PCDHA10: variants seen among roughly 807,000 people sequenced by gnomAD.
The protein encoded by PCDHA10 is protocadherin alpha-10.
A neutral mutation model predicts 61.2 loss-of-function variants in PCDHA10; 45 were observed. The observed-to-expected ratio is 0.74, with a 90% confidence interval of 0.58 to 0.94. The LOEUF (loss-of-function observed/expected upper bound fraction) is 0.94, where lower values mean the gene tolerates loss of function less well. Among genes scored for constraint, PCDHA10 ranks in the 40% least tolerant of loss-of-function variants. The pLI, the probability that PCDHA10 is intolerant of heterozygous loss-of-function variation, is 0.00. For missense variants in PCDHA10, 1,278 were observed against 1,236.2 expected (o/e 1.03, Z -0.51); for synonymous variants, 602 against 548.8 (o/e 1.10, Z -1.35).
chr5:140,921,212 C>T lies in PCDHA10; in HGVS notation c.2389-57737C>T, dbSNP rs78827164. On this transcript the variant is annotated intron_variant, in intron 1 of 3. Coordinates refer to ENST00000307360, the MANE Select transcript of PCDHA10 (RefSeq NM_018901.4). ...ACAATAGATTGACAACGATAATTCA[C>T]GTCTTTTTTGCTAGATGATATTAAG... is the stretch of plus-strand genomic sequence containing the variant. Among the ~76,000 whole-genome samples the T allele has an allele frequency of 3.7e-3, 555 of 152,020 alleles. 3 individuals carry two copies. Among genetic ancestry groups the T allele is most frequent in the Non-Finnish European group, 5.8e-3 (395 of 67,980 alleles).
intron 1 of PCDHA10, chr5:140,876,827 C>T (rs1554168978): frequency 6.2e-7 from 1 of 1,614,182 alleles, no homozygotes; most frequent in Admixed American, 1.7e-5. Context: ...AACGACAATG[C>T]GCCTGCGTTC....
chr5:140,967,386 T>TA, intron 1 of PCDHA10: 1 of 1,609,114 alleles, frequency 6.2e-7, no homozygotes, highest in Non-Finnish European at 8.5e-7. Context: ...AGTAAAGTGC[T>TA]TGAGCTGGTG....
intron 1 of PCDHA10, chr5:140,883,399 T>C (rs143292342): frequency 3.1e-5 from 50 of 1,614,100 alleles, no homozygotes; most frequent in Non-Finnish European, 4.1e-5. Flanking sequence ...TGTCCGATCG[T>C]GACTCTGGCT....
chr5:140,945,000 G>A (rs980802301), intron 1 of PCDHA10, among the ~76,000 whole-genome samples: 3 of 151,862 alleles, frequency 2.0e-5, no homozygotes, highest in African/African-American at 7.3e-5. Context: ...AACGGTTGTG[G>A]GTCATGAATT....
intron 1 of PCDHA10, chr5:140,875,418 G>A: frequency 6.6e-7 from 1 of 1,515,104 alleles, no homozygotes; most frequent in Non-Finnish European, 8.8e-7. Flanking sequence ...AAATACCTCA[G>A]GCAAGCGATC....
chr5:140,905,540 C>T (rs1294771375), intron 1 of PCDHA10, among the ~76,000 whole-genome samples: 5 of 151,890 alleles, frequency 3.3e-5, no homozygotes, highest in African/African-American at 9.7e-5. Flanking sequence ...TCCATATGAA[C>T]TTTAGGATTG....
At chr5:140,896,960 T>C (rs1242760287) in intron 1 of PCDHA10, among the ~76,000 whole-genome samples, 1 of 152,234 alleles carries the variant, frequency 6.6e-6, no homozygotes, top group Non-Finnish European at 1.5e-5. Context: ...CTTAAACATT[T>C]ATTCTTTGCA....
At chr5:140,927,610 A>C in intron 1 of PCDHA10, 2 of 1,614,162 alleles carry the variant, frequency 1.2e-6, no homozygotes, top group Non-Finnish European at 1.7e-6. Flanking sequence ...CGTATACCGC[A>C]CCAAGGTTCC....
In PCDHA10 at chr5:140,961,349, T is replaced by C. The variant is rs1352312577; in HGVS notation, c.2389-17600T>C. Among the ~76,000 whole-genome samples the C allele has an allele frequency of 2.0e-5, 3 of 152,204 alleles. No individual in the cohort carries two copies. The East Asian group carries it at 5.8e-4, about 29-fold the overall frequency. On this transcript the variant is annotated intron_variant, in intron 1 of 3. Coordinates refer to ENST00000307360, the MANE Select transcript of PCDHA10 (RefSeq NM_018901.4). Reference sequence around the variant, plus strand: ...TTGAGAGACCAAGAGTGGATCCCTGTAGTCCCCATTAGAATTCTCCTTCTA... The same window carrying C: ...TTGAGAGACCAAGAGTGGATCCCTGCAGTCCCCATTAGAATTCTCCTTCTA...
At chr5:140,974,647 G>GATT (rs2096635431) in intron 1 of PCDHA10, among the ~76,000 whole-genome samples, 1 of 152,068 alleles carries the variant, frequency 6.6e-6, no homozygotes, top group African/African-American at 2.4e-5. Context: ...GAGTAGCTGA[G>GATT]ATTACAGGCA....
rs143656335 is a variant in PCDHA10, at chr5:140,968,986, A to G, written c.2389-9963A>G. 244 of 1,614,206 alleles carry G rather than the reference A, an allele frequency of 1.5e-4. No individual in the cohort carries two copies. In the African/African-American group the frequency reaches 3.0e-3, roughly 20 times the overall value. On this transcript the variant is annotated intron_variant, in intron 1 of 3. Transcript: ENST00000307360. ...ACCGCTACACTGCGTATGGCACTGC[A>G]TGCTGTGGAGGCTTCTGTGGAGTAA...
At chr5:140,971,958 C>CT (rs1176007834) in intron 1 of PCDHA10, among the ~76,000 whole-genome samples, 3 of 152,054 alleles carry the variant, frequency 2.0e-5, no homozygotes, top group African/African-American at 4.8e-5. Context: ...ACTCCAAAAA[C>CT]TTTTTTTCAA....
intron 1 of PCDHA10, chr5:140,882,791 A>G (rs1554175610): frequency 6.2e-7 from 1 of 1,614,254 alleles, no homozygotes; most frequent in South Asian, 1.1e-5. Context: ...ACTGGATCCC[A>G]ACGATTATTT....
chr5:140,876,473 G>A, intron 1 of PCDHA10: 1 of 1,614,038 alleles, frequency 6.2e-7, no homozygotes, highest in South Asian at 1.1e-5. Context: ...GCAGGTCACA[G>A]CATGGTCCTG....
intron 1 of PCDHA10, chr5:140,928,746 C>G (rs782813323): frequency 1.2e-6 from 2 of 1,614,012 alleles, no homozygotes; most frequent in Non-Finnish European, 1.7e-6. Flanking sequence ...TAGGTGAGCT[C>G]CGTACTGCTC....
chr5:140,871,506 A>C (rs997428507), intron 1 of PCDHA10: 2 of 1,580,864 alleles, frequency 1.3e-6, no homozygotes, highest in Admixed American at 1.8e-5. Flanking sequence ...TGAGTTTTCT[A>C]CAGATTCCAC....
chr5:140,927,676 G>A (rs2084491623), intron 1 of PCDHA10: 1 of 1,614,192 alleles, frequency 6.2e-7, no homozygotes, highest in South Asian at 1.1e-5. Flanking sequence ...GGATCCAGAT[G>A]AAGGGTCCAA....
chr5:140,971,692 C>T (rs2096492766), intron 1 of PCDHA10, among the ~76,000 whole-genome samples: 1 of 152,116 alleles, frequency 6.6e-6, no homozygotes, highest in South Asian at 2.1e-4. Context: ...TTTGTACTCA[C>T]TAACCACCCT....
At chr5:140,998,014 C>T (rs1554256135) in intron 3 of PCDHA10, among the ~76,000 whole-genome samples, 1 of 152,162 alleles carries the variant, frequency 6.6e-6, no homozygotes, top group Non-Finnish European at 1.5e-5. Context: ...TCCATCCCCA[C>T]CTCGAGCTAG....
Sources: gnomAD v4.1 joint callset for allele counts (sites outside exome capture counted in the v4.1 genomes callset) on GRCh38, gnomAD v4.1.1 for gene constraint, MANE v1.5 for transcripts, NCBI Gene and HGNC (gene_info 2026-07-23, HGNC 2026-07-21) for gene names.